Variants in CABLES1 observed in about 807,000 individuals in gnomAD.
CABLES1 encodes the protein Cdk5 and Abl enzyme substrate 1.
Under a neutral mutation model 57.8 loss-of-function variants are expected in CABLES1, and 36 were observed. The observed-to-expected ratio is 0.62, with a 90% CI of 0.48 to 0.82. CABLES1 has a LOEUF of 0.82. CABLES1 is among the 40% of genes least tolerant of loss of function. CABLES1 has a pLI of 0.00. For missense variants in CABLES1, 767 were observed against 836.6 expected (o/e 0.92, Z 1.03); for synonymous variants, 374 against 363.0 (o/e 1.03, Z -0.35).
chr18:23,139,614 C>T (rs114784109), intron 1 of CABLES1, among the ~76,000 whole-genome samples: 5 of 152,276 alleles, frequency 3.3e-5, no homozygotes, highest in African/African-American at 9.6e-5. Flanking sequence ...GATTACACCA[C>T]CTCTGTTCAC....
At chr18:23,205,093 A>G (rs907451844) in intron 3 of CABLES1, among the ~76,000 whole-genome samples, 2 of 151,788 alleles carry the variant, frequency 1.3e-5, no homozygotes, top group African/African-American at 4.8e-5. Flanking sequence ...CAGATGACTC[A>G]GGGCTGGACC....
intron 4 of CABLES1, among the ~76,000 whole-genome samples, chr18:23,229,227 C>T (rs1026865888): frequency 1.2e-4 from 18 of 152,078 alleles, no homozygotes; most frequent in African/African-American, 3.4e-4. Context: ...ACCTGGCCAA[C>T]GTGGTGAAAC....
chr18:23,135,882 GGCCGCCGCGCCGGCCCA>G lies in CABLES1; in HGVS notation c.129_145del (p.Pro44ArgfsTer250). ...CGCCGCAGCCCCAGCCTCAGCCCGC[GGCCGCCGCGCCGGCCCA>G]GCCGCCGCCCGAACCCCCCCGGAAG... is the stretch of plus-strand genomic sequence containing the variant. On this transcript the variant is annotated frameshift_variant, in exon 1 of 10. Transcript: ENST00000256925. LOFTEE classifies it high-confidence loss of function. The G allele has an allele frequency of 9.5e-7, 1 of 1,048,654 alleles. No homozygotes were observed. The highest frequency in any genetic ancestry group is 1.1e-6 in the Non-Finnish European group (1 of 874,864). 65.0% of individuals were successfully genotyped at this position (1,048,654 alleles called of 1,614,324 possible). A position where few individuals can be genotyped will look rare whatever the true frequency, so the allele number is the denominator to read the frequency against.
chr18:23,191,149 G>C (rs1226747672), intron 2 of CABLES1, among the ~76,000 whole-genome samples: 2 of 151,822 alleles, frequency 1.3e-5, no homozygotes, highest in African/African-American at 4.8e-5. Flanking sequence ...TACTCAGGAG[G>C]CTGAGGCGAC....
chr18:23,166,496 C>T (rs1228648322), intron 1 of CABLES1, among the ~76,000 whole-genome samples: 6 of 152,178 alleles, frequency 3.9e-5, no homozygotes, highest in Non-Finnish European at 7.3e-5. Flanking sequence ...AGCCACCGCT[C>T]CTGGCCAACA....
At chr18:23,147,290 A>G (rs1335213529) in intron 1 of CABLES1, among the ~76,000 whole-genome samples, 1 of 152,262 alleles carries the variant, frequency 6.6e-6, no homozygotes, top group Non-Finnish European at 1.5e-5. Flanking sequence ...TTGGAGCTCC[A>G]TAGCTCTGCC....
chr18:23,249,517 G>T (rs1354172617), intron 7 of CABLES1, among the ~76,000 whole-genome samples: 7 of 152,212 alleles, frequency 4.6e-5, no homozygotes, highest in Admixed American at 4.6e-4. Context: ...CAGAGACTGT[G>T]ACTCAGTGGG....
At chr18:23,168,494 C>A (rs1282214101) in intron 1 of CABLES1, among the ~76,000 whole-genome samples, 1 of 152,152 alleles carries the variant, frequency 6.6e-6, no homozygotes, top group Non-Finnish European at 1.5e-5. Flanking sequence ...TCACTAGGTG[C>A]AGAGTTTCAG....
chr18:23,198,538 C>G (rs1481349818), intron 3 of CABLES1, among the ~76,000 whole-genome samples: 3 of 152,118 alleles, frequency 2.0e-5, no homozygotes, highest in Non-Finnish European at 4.4e-5. Context: ...GGAACTGAGG[C>G]GCAAATAAGC....
rs553815862 is a variant in CABLES1 at position 23,234,744 on chromosome 18, G to T, written c.1185+40G>T. ...CTGCCAGTCACCAAGTTGTGCTGAA[G>T]GCACAAGGGTCAGGAAGCAGAGGAG... On this transcript the variant is annotated intron_variant, in intron 5 of 9. Transcript: ENST00000256925. 68 of 1,512,204 alleles carry T rather than the reference G, an allele frequency of 4.5e-5. 2 individuals are homozygous for T. In the South Asian group the frequency reaches 7.3e-4, roughly 16 times the overall value. 93.7% of individuals were successfully genotyped at this position (1,512,204 alleles called of 1,614,324 possible).
intron 3 of CABLES1, among the ~76,000 whole-genome samples, chr18:23,212,415 G>A (rs2047411604): frequency 6.6e-6 from 1 of 152,202 alleles, no homozygotes; most frequent in Non-Finnish European, 1.5e-5. Context: ...TCAAACAAAA[G>A]TGACAGCTGG....
intron 1 of CABLES1, among the ~76,000 whole-genome samples, chr18:23,163,678 G>T (rs912108538): frequency 7.9e-5 from 12 of 152,122 alleles, no homozygotes; most frequent in African/African-American, 2.7e-4. Flanking sequence ...GCACTGAGGA[G>T]TGGCCATCTT....
chr18:23,209,562 G>A (rs1308885417), intron 3 of CABLES1, among the ~76,000 whole-genome samples: 2 of 152,126 alleles, frequency 1.3e-5, no homozygotes, highest in Non-Finnish European at 2.9e-5. Flanking sequence ...CCTGGGCTGT[G>A]TTTGGGCTTC....
chr18:23,155,422 A>C (rs2046958914), intron 1 of CABLES1, among the ~76,000 whole-genome samples: 1 of 152,220 alleles, frequency 6.6e-6, no homozygotes, highest in Non-Finnish European at 1.5e-5. Context: ...TTTTGTTTTC[A>C]AAGGGAAAAT....
intron 1 of CABLES1, among the ~76,000 whole-genome samples, chr18:23,151,142 C>G (rs2046927459): frequency 6.6e-6 from 1 of 151,980 alleles, no homozygotes; most frequent in Admixed American, 6.6e-5. Context: ...CCTCAGCCTC[C>G]CGAGTAGCTG....
intron 3 of CABLES1, among the ~76,000 whole-genome samples, chr18:23,211,588 T>C (rs1303960164): frequency 6.6e-6 from 1 of 152,214 alleles, no homozygotes; most frequent in African/African-American, 2.4e-5. Context: ...GGCAGACTTA[T>C]TAGTACCCAA....
chr18:23,252,949 G>A lies in CABLES1; in HGVS notation c.1447-11G>A. The stretch of plus-strand genomic sequence containing the variant: ...TTTAAGGAGTGATCCGTGTTCCCCT[G>A]TCTGTTACAGACAACAGTGATTGAC... On this transcript the variant is annotated splice_polypyrimidine_tract_variant and intron_variant, in intron 7 of 9. Coordinates refer to ENST00000256925, the MANE Select transcript of CABLES1 (RefSeq NM_001100619.3). The A allele has an allele frequency of 1.3e-6, 2 of 1,574,368 alleles. No individual in the cohort carries two copies. The highest frequency in any genetic ancestry group is 1.7e-4 in the Middle Eastern group (1 of 5,968).
chr18:23,259,701 G>A lies in CABLES1; in HGVS notation c.*2334G>A, dbSNP rs1346390222. ...GTGAGAGATGCAGGTCACTGCCAGAGGCACCTCTGTGACACGGAACATTCC... is the reference window on the plus strand; with the variant it reads ...GTGAGAGATGCAGGTCACTGCCAGAAGCACCTCTGTGACACGGAACATTCC... On this transcript the variant is annotated 3_prime_UTR_variant, in exon 10 of 10. Coordinates refer to ENST00000256925, the MANE Select transcript of CABLES1 (RefSeq NM_001100619.3). 4 of 152,284 alleles carry A rather than the reference G, an allele frequency of 2.6e-5. No homozygotes were observed. Among genetic ancestry groups the A allele is most frequent in the African/African-American group, 4.8e-5 (2 of 41,452 alleles). 9.4% of individuals were successfully genotyped at this position (152,284 alleles called of 1,614,324 possible). A position where few individuals can be genotyped will look rare whatever the true frequency, so the allele number is the denominator to read the frequency against.
intron 3 of CABLES1, among the ~76,000 whole-genome samples, chr18:23,201,428 G>T (rs1434649863): frequency 6.6e-6 from 1 of 152,204 alleles, no homozygotes; most frequent in Non-Finnish European, 1.5e-5. Flanking sequence ...TGGTCCCCCA[G>T]CAGTGGACTT....
Sources: allele counts gnomAD v4.1 joint callset (sites outside exome capture counted in the v4.1 genomes callset), GRCh38; gene constraint gnomAD v4.1.1; transcripts MANE v1.5; gene names NCBI Gene and HGNC (gene_info 2026-07-23, HGNC 2026-07-21).